Variants in DNAH2 observed in about 807,000 individuals in gnomAD.
DNAH2 encodes axonemal beta dynein heavy chain 2.
DNAH2 carries 323 observed loss-of-function variants against 523.5 expected under a neutral mutation model. The observed-to-expected ratio is 0.62, with a 90% CI of 0.56 to 0.68. The LOEUF (loss-of-function observed/expected upper bound fraction) is 0.68, where lower values mean the gene tolerates loss of function less well. Ranked by LOEUF, DNAH2 falls within the 30% of genes least tolerant of loss-of-function variation. The pLI is 0.00. For synonymous variants in DNAH2, 2,093 were observed against 2,177.4 expected (o/e 0.96, Z 1.08); for missense variants, 4,907 against 5,701.5 (o/e 0.86, Z 4.49).
chr17:7,754,486 G>A lies in DNAH2; in HGVS notation c.1905-2605G>A, dbSNP rs2075780165. ...ATCACAAAGATACAAATCTCTTAAGGGGGTGGACTCCAAGTTCCTGAGGAA... is the reference window on the plus strand; with the variant it reads ...ATCACAAAGATACAAATCTCTTAAGAGGGTGGACTCCAAGTTCCTGAGGAA... On this transcript the variant is annotated intron_variant, in intron 12 of 85. Coordinates refer to ENST00000572933, the MANE Select transcript of DNAH2 (RefSeq NM_020877.5). This position sits in a 1 kb window ranked among gnomAD's most constrained non-coding sequence, Gnocchi z 4.6. 5.5e-6 allele frequency: 4 copies of A among 729,940 alleles called. No homozygotes were observed. The highest frequency in any genetic ancestry group is 9.4e-6 in the Non-Finnish European group (4 of 425,808). The allele number at this position is 729,940 out of a possible 1,614,324, so 45.2% of individuals were successfully genotyped here.
intron 56 of DNAH2, among the ~76,000 whole-genome samples, chr17:7,800,592 C>A (rs1348949017): frequency 6.6e-6 from 1 of 151,112 alleles, no homozygotes; most frequent in South Asian, 2.1e-4. Context: ...TTTGTCTGGG[C>A]GCGGTGGCTC....
chr17:7,785,936 T>C (rs1467469542), intron 39 of DNAH2, among the ~76,000 whole-genome samples, 188 bp from the exon 40 acceptor site: 1 of 152,140 alleles, frequency 6.6e-6, no homozygotes, highest in Non-Finnish European at 1.5e-5. Context: ...GCTGGCGGAC[T>C]CCAGAGCCCA....
intron 1 of DNAH2, 111 bp from the exon 2 acceptor site, chr17:7,719,610 G>T: frequency 7.4e-7 from 1 of 1,344,628 alleles, no homozygotes; most frequent in Non-Finnish European, 1.1e-6. Context: ...CAGAAAAGAT[G>T]ATCATATTGA....
In DNAH2 at chr17:7,807,405, T is replaced by A. The variant is rs2077396177; in HGVS notation, c.9613-65T>A. Reference sequence around the variant, plus strand: ...CACAGACCCAGGTGGAAGGAGGGGATGCCTGGAGGTGAGGGGGTTGGTGGG... The same window carrying A: ...CACAGACCCAGGTGGAAGGAGGGGAAGCCTGGAGGTGAGGGGGTTGGTGGG... On this transcript the variant is annotated intron_variant, in intron 62 of 85. Transcript: ENST00000572933. This position sits in a 1 kb window ranked among gnomAD's most constrained non-coding sequence, Gnocchi z 5.6. 1 of 1,601,082 alleles carries A rather than the reference T, an allele frequency of 6.2e-7. No homozygotes were observed. Among genetic ancestry groups the A allele is most frequent in the Non-Finnish European group, 8.5e-7 (1 of 1,173,776 alleles).
Position 7,778,186 on chromosome 17 carries a change from C to G in DNAH2, c.5351+6C>G. On this transcript the variant is annotated splice_donor_region_variant and intron_variant, in intron 34 of 85. Coordinates refer to ENST00000572933, the MANE Select transcript of DNAH2 (RefSeq NM_020877.5). ...ATCACCCCCCTGACGGACAGGTCTG[C>G]CATGTGGGATGAATGAGGTGGCTGG... The G allele has an allele frequency of 6.2e-7, 1 of 1,614,192 alleles. No individual in the cohort carries two copies. The highest frequency in any genetic ancestry group is 8.5e-7 in the Non-Finnish European group (1 of 1,180,018).
chr17:7,774,030 AG>A (rs1285715046), intron 28 of DNAH2, among the ~76,000 whole-genome samples: 1 of 152,140 alleles, frequency 6.6e-6, no homozygotes, highest in East Asian at 1.9e-4. Flanking sequence ...GTGCCAGGCC[AG>A]AAGATTCATT....
In DNAH2 at chr17:7,786,789, G is replaced by A. The variant is rs2076748231; in HGVS notation, c.6466+102G>A. ...TTCCAAGTTGGGAGAGAAATGCCTG[G>A]GGAATGCTGAAGTACAAGGGAGTGT... On this transcript the variant is annotated intron_variant, in intron 41 of 85. Transcript: ENST00000572933. The surrounding 1 kb of genome is among the most constrained non-coding windows in gnomAD (Gnocchi z 7.5). 1.3e-6 allele frequency: 2 copies of A among 1,598,616 alleles called. No homozygotes were observed. Among genetic ancestry groups the A allele is most frequent in the Admixed American group, 1.7e-5 (1 of 59,384 alleles).
chr17:7,832,816 C>T lies in DNAH2; in HGVS notation c.12904-38C>T, dbSNP rs1430650118. On this transcript the variant is annotated intron_variant, in intron 83 of 85. Coordinates refer to ENST00000572933, the MANE Select transcript of DNAH2 (RefSeq NM_020877.5). This position sits in a 1 kb window ranked among gnomAD's most constrained non-coding sequence, Gnocchi z 4.3. ...GCTGGGGCCATGTATGTGTTCTCCT[C>T]TTCAGGGTCCTCTCTTATTCTCACC... 4 of 1,614,022 alleles carry T rather than the reference C, an allele frequency of 2.5e-6. No individual in the cohort carries two copies. The highest frequency in any genetic ancestry group is 2.7e-5 in the African/African-American group (2 of 74,922).
Position 7,833,208 on chromosome 17 carries a change from G to A in DNAH2, c.13116G>A (p.Lys4372=). 6.2e-7 allele frequency: 1 copy of A among 1,607,326 alleles called. No individual in the cohort carries two copies. Among genetic ancestry groups the A allele is most frequent in the Non-Finnish European group, 8.5e-7 (1 of 1,179,988 alleles). The change falls in exon 85 of 86, where the codon AAG becomes AAA. Residue 4372 remains lysine, a synonymous_variant. Coordinates refer to ENST00000572933, the MANE Select transcript of DNAH2 (RefSeq NM_020877.5). ...TIHFRPAESR[K]KSAKGMYSCP... is the part of the protein sequence containing the mutation. ...ACTTCCGGCCTGCAGAGAGCCGCAA[G>A]AAGAGCGCCAAGGGTGGGACAGCTC... is the stretch of plus-strand genomic sequence containing the variant.
At chr17:7,723,008 T>A (rs200687958) in intron 2 of DNAH2, among the ~76,000 whole-genome samples, 1 of 146,724 alleles carries the variant, frequency 6.8e-6, no homozygotes, top group Non-Finnish European at 1.5e-5. Context: ...TTCGCTCTGT[T>A]GCCCAGGCTG....
At chr17:7,742,434 C>T (rs1184014525) in intron 11 of DNAH2, among the ~76,000 whole-genome samples, 1 of 152,066 alleles carries the variant, frequency 6.6e-6, no homozygotes, top group Non-Finnish European at 1.5e-5. Flanking sequence ...CTGTCACAAA[C>T]AAACAAAACA....
At position 7,832,965 on chromosome 17, in the gene DNAH2, A is replaced by G. The variant is rs778315574; in HGVS notation, c.12978+37A>G. The G allele has an allele frequency of 6.2e-7, 1 of 1,613,946 alleles. No individual in the cohort carries two copies. The highest frequency in any genetic ancestry group is 8.5e-7 in the Non-Finnish European group (1 of 1,179,910). On this transcript the variant is annotated intron_variant, in intron 84 of 85. Transcript: ENST00000572933. This position sits in a 1 kb window ranked among gnomAD's most constrained non-coding sequence, Gnocchi z 4.3. The stretch of plus-strand genomic sequence containing the variant: ...TTGTGCTTGGGGCTCTGAGCAAAAG[A>G]GGGTACTGGAAATAATTGGACGAAA...
chr17:7,822,055 C>T lies in DNAH2; in HGVS notation c.11142+686C>T, dbSNP rs1473990358. Among the ~76,000 whole-genome samples, 5 of 152,188 alleles carry T rather than the reference C, an allele frequency of 3.3e-5. No homozygotes were observed. In the East Asian group the frequency reaches 7.7e-4, roughly 23 times the overall value. ...CAGTGATCTTGGCTTACTGCAGCCT[C>T]GACCTCCCAGGCTCAAGCCATCCTC... is the stretch of plus-strand genomic sequence containing the variant. On this transcript the variant is annotated intron_variant, in intron 73 of 85. Transcript: ENST00000572933.
chr17:7,779,206 C>A, intron 35 of DNAH2, 37 bp from the exon 36 acceptor site: 1 of 1,605,212 alleles, frequency 6.2e-7, no homozygotes, highest in South Asian at 1.1e-5. Context: ...TCTTGGGGCA[C>A]CTCTCGCTCC....
rs1388275337 is a variant in DNAH2, at chr17:7,798,852, A to G, written c.8559+134A>G. On this transcript the variant is annotated intron_variant, in intron 55 of 85. Transcript: ENST00000572933. The surrounding 1 kb of genome is among the most constrained non-coding windows in gnomAD (Gnocchi z 5.5). The stretch of plus-strand genomic sequence containing the variant: ...CCCCCACTGCCCACCTCAGCCCTGT[A>G]AGGTGGAAGGTCCCCTCCAGGGACC... 3 of 1,289,236 alleles carry G rather than the reference A, an allele frequency of 2.3e-6. No homozygotes were observed. Among genetic ancestry groups the G allele is most frequent in the East Asian group, 4.6e-5 (2 of 43,048 alleles). 79.9% of individuals were successfully genotyped at this position (1,289,236 alleles called of 1,614,324 possible).
rs374110523 is a variant in DNAH2 at position 7,798,244 on chromosome 17, G to C, written c.8318G>C (p.Arg2773Pro). The C allele has an allele frequency of 6.2e-7, 1 of 1,613,812 alleles. No individual in the cohort carries two copies. ...GGCAGCGGACGCCAGAGTCTGGCCCGCCTGGCTTCATCCATCTGCGACTAC... is the reference window on the plus strand; with the variant it reads ...GGCAGCGGACGCCAGAGTCTGGCCCCCCTGGCTTCATCCATCTGCGACTAC... ...IGGSGRQSLA[R>P]LASSICDYTT... The change falls in exon 54 of 86, where the codon CGC becomes CCC. Residue 2773 changes from arginine to proline, a missense_variant. Arg to Pro is a moderately radical substitution (Grantham distance 103). Around this residue, in one of 3 missense-constraint regions of DNAH2, gnomAD observed 1,851 missense variants for 2,139.4 expected, o/e 0.87. Coordinates refer to ENST00000572933, the MANE Select transcript of DNAH2 (RefSeq NM_020877.5). This position sits in a 1 kb window ranked among gnomAD's most constrained non-coding sequence, Gnocchi z 5.5.
chr17:7,725,595 G>C (rs2074780288), intron 3 of DNAH2, among the ~76,000 whole-genome samples: 1 of 150,494 alleles, frequency 6.6e-6, no homozygotes, highest in African/African-American at 2.4e-5. Flanking sequence ...ACCATGCCCG[G>C]CTGATTTTTG....
intron 21 of DNAH2, 65 bp downstream of exon 21, chr17:7,765,630 A>G: frequency 6.5e-7 from 1 of 1,544,192 alleles, no homozygotes; most frequent in Non-Finnish European, 8.8e-7. Context: ...TTCCAAGCCC[A>G]GGTCCTGGGA....
At chr17:7,793,318 A>G (rs576016408) in intron 48 of DNAH2, 113 bp downstream of exon 48, 2 of 1,104,100 alleles carry the variant, frequency 1.8e-6, no homozygotes, top group Admixed American at 5.1e-5. Flanking sequence ...TCCTTCCCAC[A>G]CAGGAGCGTC....
Sources: allele counts gnomAD v4.1 joint callset (sites outside exome capture counted in the v4.1 genomes callset), GRCh38; gene constraint gnomAD v4.1.1; regional missense constraint gnomAD v4.1.1; non-coding constraint Gnocchi (gnomAD v3.1); transcripts MANE v1.5; gene names NCBI Gene and HGNC (gene_info 2026-07-23, HGNC 2026-07-21).